MAST1: variants seen among roughly 807,000 people sequenced by gnomAD.
MAST1 encodes the protein microtubule associated serine/threonine kinase 1, also known as microtubule-associated serine/threonine-protein kinase 1.
Under a neutral mutation model 124.6 loss-of-function variants are expected in MAST1, and 40 were observed. The observed-to-expected ratio is 0.32, with a 90% CI of 0.25 to 0.42. The LOEUF (loss-of-function observed/expected upper bound fraction) is 0.42. Ranked by LOEUF, MAST1 falls within the 10% of genes least tolerant of loss-of-function variation. The pLI is 1.00. For missense variants in MAST1, 1,558 were observed against 2,181.9 expected (o/e 0.71, Z 5.70); for synonymous variants, 938 against 939.4 (o/e 1.00, Z 0.03).
chr19:12,866,851 A>C lies in MAST1; in HGVS notation c.2139+89A>C. On this transcript the variant is annotated intron_variant, in intron 18 of 25. Coordinates refer to ENST00000251472, the MANE Select transcript of MAST1 (RefSeq NM_014975.3). The surrounding 1 kb of genome is among the most constrained non-coding windows in gnomAD (Gnocchi z 5.2). ...TGAGAAACAGGTTCCCTGGTGCCCA[A>C]GGTCTCAGGAGCGGGAAGTTATTGA... 9.1e-7 allele frequency: 1 copy of C among 1,097,776 alleles called. No individual in the cohort carries two copies. The highest frequency in any genetic ancestry group is 1.3e-6 in the Non-Finnish European group (1 of 741,634). 68.0% of individuals were successfully genotyped at this position (1,097,776 alleles called of 1,614,324 possible).
chr19:12,871,846 G>A (rs1406584320), intron 24 of MAST1, among the ~76,000 whole-genome samples: 1 of 149,434 alleles, frequency 6.7e-6, no homozygotes, highest in East Asian at 2.0e-4. Flanking sequence ...AGCCTGGGAG[G>A]TCGAGGCTGC....
chr19:12,847,796 C>G lies in MAST1; in HGVS notation c.565-52C>G, dbSNP rs758044423. ...CTCGGTGCGCAGCGCAGGCTCCTGGCGGCCGCAGCCTTCGGGCACAGCCCC... is the reference window on the plus strand; with the variant it reads ...CTCGGTGCGCAGCGCAGGCTCCTGGGGGCCGCAGCCTTCGGGCACAGCCCC... On this transcript the variant is annotated intron_variant, in intron 6 of 25. Transcript: ENST00000251472. The surrounding 1 kb of genome is among the most constrained non-coding windows in gnomAD (Gnocchi z 5.5). 2 of 1,577,634 alleles carry G rather than the reference C, an allele frequency of 1.3e-6. No homozygotes were observed. Among genetic ancestry groups the G allele is most frequent in the African/African-American group, 1.3e-5 (1 of 74,136 alleles).
chr19:12,839,812 G>A (rs1198865643), intron 1 of MAST1, among the ~76,000 whole-genome samples: 1 of 152,106 alleles, frequency 6.6e-6, no homozygotes, highest in East Asian at 1.9e-4. Flanking sequence ...GGAGGGTGAG[G>A]TGAGGCGGGA....
chr19:12,843,020 GCCAGTATGTGAGCCTGA>G lies in MAST1; in HGVS notation c.249-506_249-490del, dbSNP rs1460161149. On this transcript the variant is annotated intron_variant, in intron 3 of 25. Transcript: ENST00000251472. The surrounding 1 kb of genome is among the most constrained non-coding windows in gnomAD (Gnocchi z 4.9). The stretch of plus-strand genomic sequence containing the variant: ...TGTGTGAAGTGTAAATGTGTGCACT[GCCAGTATGTGAGCCTGA>G]CCTGATAGTCACACCAACATTAATG... Among the ~76,000 whole-genome samples, 1 of 152,156 alleles carries G rather than the reference GCCAGTATGTGAGCCTGA, an allele frequency of 6.6e-6. No homozygotes were observed. The highest frequency in any genetic ancestry group is 1.5e-5 in the Non-Finnish European group (1 of 68,038).
intron 4 of MAST1, among the ~76,000 whole-genome samples, chr19:12,846,035 T>A (rs963562542): frequency 1.3e-5 from 2 of 151,750 alleles, no homozygotes; most frequent in Admixed American, 1.3e-4. Context: ...CTGGGCAACA[T>A]AGAGAGACCC....
Position 12,843,098 on chromosome 19 carries a change from G to A in MAST1, c.249-431G>A, listed in dbSNP as rs191408539. On this transcript the variant is annotated intron_variant, in intron 3 of 25. Coordinates refer to ENST00000251472, the MANE Select transcript of MAST1 (RefSeq NM_014975.3). The surrounding 1 kb of genome is among the most constrained non-coding windows in gnomAD (Gnocchi z 4.9). The stretch of plus-strand genomic sequence containing the variant: ...CAACAGTGACTGTGTCTGTGTGCAC[G>A]AGAGCATAAGGACACAATATTCTAT... Among the ~76,000 whole-genome samples the A allele has an allele frequency of 2.0e-5, 3 of 152,184 alleles. No homozygotes were observed. The highest frequency in any genetic ancestry group is 3.8e-4 in the East Asian group (2 of 5,202).
intron 4 of MAST1, among the ~76,000 whole-genome samples, chr19:12,844,985 G>A (rs1969874353): frequency 6.6e-6 from 1 of 152,080 alleles, no homozygotes; most frequent in South Asian, 2.1e-4. Flanking sequence ...TTTAACCAGA[G>A]GAGTGAGCAA....
rs1231369269 is a variant in MAST1 at position 12,874,250 on chromosome 19, G to A, written c.4093G>A (p.Gly1365Ser). The change falls in exon 26 of 26, where the codon GGC becomes AGC. Residue 1365 changes from glycine (G) to serine (S), a missense_variant. This residue lies in a region of MAST1 where 263 missense variants were observed against 310.9 expected (regional missense o/e 0.85). Transcript: ENST00000251472. This position sits in a 1 kb window ranked among gnomAD's most constrained non-coding sequence, Gnocchi z 6.6. The part of the protein sequence containing the change: ...VSSKEKESPG[G>S]AEACTPPRAT... Reference sequence around the variant, plus strand: ...GAGCAAGGAGAAGGAATCCCCGGGGGGCGCCGAGGCGTGCACCCCACCCCG... The same window carrying A: ...GAGCAAGGAGAAGGAATCCCCGGGGAGCGCCGAGGCGTGCACCCCACCCCG... The A allele has an allele frequency of 6.4e-7, 1 of 1,564,566 alleles. No individual in the cohort carries two copies. Among genetic ancestry groups the A allele is most frequent in the Non-Finnish European group, 8.6e-7 (1 of 1,159,390 alleles).
intron 12 of MAST1, among the ~76,000 whole-genome samples, chr19:12,864,310 G>A (rs1970122139): frequency 6.6e-6 from 1 of 151,508 alleles, no homozygotes; most frequent in Non-Finnish European, 1.5e-5. Flanking sequence ...CAGGAGGATT[G>A]CTTGAGCTGG....
In MAST1 at chr19:12,843,974, T is replaced by A. The variant is rs1969861153; in HGVS notation, c.327+367T>A. Reference sequence around the variant, plus strand: ...CTGAGATCGCACTGCAGCATTCCAGTCTGGATGACAGAGTGAGACCCTGTC... The same window carrying A: ...CTGAGATCGCACTGCAGCATTCCAGACTGGATGACAGAGTGAGACCCTGTC... On this transcript the variant is annotated intron_variant, in intron 4 of 25. Transcript: ENST00000251472. The surrounding 1 kb of genome is among the most constrained non-coding windows in gnomAD (Gnocchi z 4.9). Among the ~76,000 whole-genome samples the A allele has an allele frequency of 1.3e-5, 2 of 152,100 alleles. No individual in the cohort carries two copies. The highest frequency in any genetic ancestry group is 6.6e-5 in the Admixed American group (1 of 15,256).
chr19:12,868,332 C>T (rs1970188887), intron 20 of MAST1, among the ~76,000 whole-genome samples: 2 of 151,940 alleles, frequency 1.3e-5, no homozygotes, highest in Non-Finnish European at 2.9e-5. Context: ...TGGTCTCGAA[C>T]TCCTGACCTC....
At chr19:12,852,455 A>G (rs1969974125) in intron 10 of MAST1, 60 bp downstream of exon 10, 2 of 1,465,152 alleles carry the variant, frequency 1.4e-6, no homozygotes, top group Non-Finnish European at 1.9e-6. Context: ...GGTGGGGCTC[A>G]TCTCCGGCTT....
At position 12,873,529 on chromosome 19, in the gene MAST1, TGCGCGGGGACCGAGCA is replaced by T; in HGVS notation, c.3451+27_3451+42del. The T allele has an allele frequency of 6.3e-7, 1 of 1,594,882 alleles. No individual in the cohort carries two copies. The highest frequency in any genetic ancestry group is 8.5e-7 in the Non-Finnish European group (1 of 1,173,148). ...CTACCTAGGTATTACCTCCTGCACC[TGCGCGGGGACCGAGCA>T]GCGCGGGGTGGCCTGGCTGGTGCTT... On this transcript the variant is annotated intron_variant, in intron 25 of 25. Transcript: ENST00000251472.
At chr19:12,860,666 C>T (rs937670465) in intron 12 of MAST1, among the ~76,000 whole-genome samples, 8 of 151,378 alleles carry the variant, frequency 5.3e-5, no homozygotes. Context: ...AGGCTGGTCT[C>T]GAACTCCTGA....
intron 22 of MAST1, 86 bp downstream of exon 22, chr19:12,869,381 G>A: frequency 2.8e-6 from 3 of 1,066,214 alleles, no homozygotes; most frequent in Non-Finnish European, 4.2e-6. Flanking sequence ...TAGCCTGGGT[G>A]AGACACCTCT....
chr19:12,867,395 G>T, intron 18 of MAST1, 79 bp from the exon 19 acceptor site: 1 of 1,532,170 alleles, frequency 6.5e-7, no homozygotes, highest in Non-Finnish European at 9.0e-7. Context: ...TTTTGCGGGG[G>T]ATCCACTGCC....
intron 12 of MAST1, among the ~76,000 whole-genome samples, chr19:12,862,140 G>A (rs1970091987): frequency 6.6e-6 from 1 of 151,738 alleles, no homozygotes; most frequent in Admixed American, 6.6e-5. Flanking sequence ...GAGTAGCTAG[G>A]ATTACAGGCG....
intron 3 of MAST1, among the ~76,000 whole-genome samples, chr19:12,842,626 G>A (rs1184198057): frequency 1.3e-5 from 2 of 152,196 alleles, no homozygotes; most frequent in Admixed American, 1.3e-4. Flanking sequence ...GCTTACACAT[G>A]CACATGCTAA....
intron 10 of MAST1, 53 bp downstream of exon 10, chr19:12,852,448 G>A: frequency 6.8e-7 from 1 of 1,475,948 alleles, no homozygotes; most frequent in East Asian, 2.3e-5. Context: ...AGGGCAGGGT[G>A]GGGCTCATCT....
Sources: gnomAD v4.1 joint callset for allele counts (sites outside exome capture counted in the v4.1 genomes callset) on GRCh38, gnomAD v4.1.1 for gene constraint, gnomAD v4.1.1 regional missense constraint, Gnocchi (gnomAD v3.1) non-coding constraint, MANE v1.5 for transcripts, NCBI Gene and HGNC (gene_info 2026-07-23, HGNC 2026-07-21) for gene names.